Variants in TLL1 observed in about 807,000 individuals in gnomAD.
The protein encoded by TLL1 is tolloid-like protein 1.
Under a neutral mutation model 128.2 loss-of-function variants are expected in TLL1, and 49 were observed. The observed-to-expected ratio is 0.38, with a 90% CI of 0.30 to 0.48. The LOEUF is 0.48. Ranked by LOEUF, TLL1 falls within the 20% of genes least tolerant of loss-of-function variation. The probability of loss-of-function intolerance (pLI) is 0.96; values close to 1 mark genes in which losing one functional copy is unlikely to be tolerated. For synonymous variants in TLL1, 454 were observed against 418.8 expected (o/e 1.08, Z -1.03); for missense variants, 1,123 against 1,242.0 (o/e 0.90, Z 1.44).
At chr4:165,936,421 A>G (rs984698179) in intron 1 of TLL1, among the ~76,000 whole-genome samples, 9 of 150,850 alleles carry the variant, frequency 6.0e-5, no homozygotes, top group African/African-American at 1.9e-4. Flanking sequence ...CATGTTGGCC[A>G]GGCTGGTCTT....
At chr4:166,100,657 G>A in intron 20 of TLL1, 85 bp from the exon 21 acceptor site, 1 of 1,548,118 alleles carries the variant, frequency 6.5e-7, no homozygotes, top group East Asian at 2.3e-5. Flanking sequence ...CCAAAGACAA[G>A]TATTCCCAAA....
At chr4:165,994,609 A>G in intron 4 of TLL1, 76 bp downstream of exon 4, 1 of 1,533,478 alleles carries the variant, frequency 6.5e-7, no homozygotes, top group Non-Finnish European at 9.0e-7. Context: ...ATTTTTATAG[A>G]ATATTAACAT....
At chr4:166,069,026 C>A (rs1427695930) in intron 16 of TLL1, among the ~76,000 whole-genome samples, 2 of 151,608 alleles carry the variant, frequency 1.3e-5, no homozygotes, top group African/African-American at 2.4e-5. Flanking sequence ...TCTCAGTTTT[C>A]TTTTAATTTA....
Position 165,933,623 on chromosome 4 carries a change from A to G in TLL1, c.170-55758A>G, listed in dbSNP as rs59106769. On this transcript the variant is annotated intron_variant, in intron 1 of 20. Coordinates refer to ENST00000061240, the MANE Select transcript of TLL1 (RefSeq NM_012464.5). ...TGCACAGGACTTAGAGAAGTATCCC[A>G]AATGTCATCTTTGCCCATGGGAATT... is the stretch of plus-strand genomic sequence containing the variant. Among the ~76,000 whole-genome samples, 530 of 152,258 alleles carry G rather than the reference A, an allele frequency of 3.5e-3. 4 individuals carry two copies. Among genetic ancestry groups the G allele is most frequent in the African/African-American group, 0.012 (484 of 41,526 alleles).
At chr4:165,939,378 A>G (rs1733900251) in intron 1 of TLL1, among the ~76,000 whole-genome samples, 1 of 152,120 alleles carries the variant, frequency 6.6e-6, no homozygotes, top group Non-Finnish European at 1.5e-5. Flanking sequence ...TGCCTCATGC[A>G]GGTTTATTAT....
chr4:165,923,683 C>G (rs1047939593), intron 1 of TLL1, among the ~76,000 whole-genome samples: 2 of 151,970 alleles, frequency 1.3e-5, no homozygotes, highest in Non-Finnish European at 2.9e-5. Context: ...GATCCGCCAG[C>G]CTTGGCTTCC....
intron 1 of TLL1, among the ~76,000 whole-genome samples, chr4:165,902,746 T>C (rs1190685172): frequency 6.6e-6 from 1 of 152,154 alleles, no homozygotes; most frequent in Non-Finnish European, 1.5e-5. Context: ...CCAAGTATAG[T>C]CTTTTCAACA....
At chr4:166,092,130 C>T (rs1198297523) in intron 19 of TLL1, among the ~76,000 whole-genome samples, 2 of 152,022 alleles carry the variant, frequency 1.3e-5, no homozygotes, top group South Asian at 2.1e-4. Flanking sequence ...GATTGATACA[C>T]GGGAGAAATT....
intron 1 of TLL1, among the ~76,000 whole-genome samples, chr4:165,903,880 A>T (rs1293006898): frequency 6.6e-6 from 1 of 152,078 alleles, no homozygotes; most frequent in Non-Finnish European, 1.5e-5. Flanking sequence ...TTACTTCCAA[A>T]TTCATCAAGG....
At chr4:166,026,644 G>A (rs1361913110) in intron 9 of TLL1, among the ~76,000 whole-genome samples, 2 of 151,982 alleles carry the variant, frequency 1.3e-5, no homozygotes, top group Non-Finnish European at 2.9e-5. Context: ...CCGAGATGGC[G>A]CCGTTGCACT....
chr4:165,987,277 A>C (rs1325642316), intron 1 of TLL1, among the ~76,000 whole-genome samples: 2 of 152,124 alleles, frequency 1.3e-5, no homozygotes, highest in African/African-American at 4.8e-5. Context: ...ACTTGGATTT[A>C]CCTTACAGTC....
At chr4:165,982,736 TA>T (rs5863791) in intron 1 of TLL1, among the ~76,000 whole-genome samples, 109 of 137,700 alleles carry the variant, frequency 7.9e-4, no homozygotes, top group East Asian at 1.1e-3. Flanking sequence ...GCAATGTATG[TA>T]AAAAAAAAAA....
chr4:165,916,652 A>C (rs912679653), intron 1 of TLL1, among the ~76,000 whole-genome samples: 1 of 152,154 alleles, frequency 6.6e-6, no homozygotes, highest in Non-Finnish European at 1.5e-5. Context: ...ACTTTCTTAA[A>C]ATATTATATG....
At chr4:165,994,976 C>A in intron 4 of TLL1, 85 bp from the exon 5 acceptor site, 1 of 1,105,712 alleles carries the variant, frequency 9.0e-7, no homozygotes, top group Non-Finnish European at 1.4e-6. Context: ...CTGCACTGCT[C>A]AGCCAGACTT....
At chr4:165,979,810 TAAAC>T (rs901010510) in intron 1 of TLL1, among the ~76,000 whole-genome samples, 4 of 152,028 alleles carry the variant, frequency 2.6e-5, no homozygotes, top group African/African-American at 7.2e-5. Flanking sequence ...AACAAATAAA[TAAAC>T]AAAGATTTGA....
intron 1 of TLL1, among the ~76,000 whole-genome samples, chr4:165,909,196 GA>G (rs768989584): frequency 1.3e-5 from 2 of 150,434 alleles, no homozygotes; most frequent in Admixed American, 1.3e-4. Flanking sequence ...CAAAAAAAAA[GA>G]AAAAAGAAAA....
chr4:166,088,523 C>A (rs77998296), intron 18 of TLL1, among the ~76,000 whole-genome samples: 7,367 of 152,048 alleles, frequency 0.048, 278 homozygotes, highest in African/African-American at 0.087. Flanking sequence ...TTAGTCACAC[C>A]TTTGCTTGTG....
chr4:166,057,379 C>T lies in TLL1; in HGVS notation c.1846+70C>T, dbSNP rs542103270. 10 of 1,558,166 alleles carry T rather than the reference C, an allele frequency of 6.4e-6. No homozygotes were observed. In the Admixed American group the frequency reaches 1.6e-4, roughly 25 times the overall value. ...TATTTCTTATATTCTCATTCTCTGT[C>T]TGTCTTCCTCTTTCTTTCCCTTTTT... On this transcript the variant is annotated intron_variant, in intron 14 of 20. Coordinates refer to ENST00000061240, the MANE Select transcript of TLL1 (RefSeq NM_012464.5).
intron 12 of TLL1, among the ~76,000 whole-genome samples, chr4:166,054,623 A>C (rs1487085884): frequency 7.4e-6 from 1 of 134,242 alleles, no homozygotes; most frequent in Admixed American, 9.1e-5. Flanking sequence ...AGTCCATGTG[A>C]TCTCATTGTT....
Sources: gnomAD v4.1 joint callset for allele counts (sites outside exome capture counted in the v4.1 genomes callset) on GRCh38, gnomAD v4.1.1 for gene constraint, MANE v1.5 for transcripts, NCBI Gene and HGNC (gene_info 2026-07-23, HGNC 2026-07-21) for gene names.